Variants in IL1RAPL1 observed in about 807,000 individuals in gnomAD.
IL1RAPL1 encodes interleukin 1 receptor accessory protein like 1.
IL1RAPL1 carries 3 observed loss-of-function variants against 48.4 expected under a neutral mutation model. The observed-to-expected ratio is 0.06, with a 90% confidence interval of 0.03 to 0.16. The LOEUF (loss-of-function observed/expected upper bound fraction) is 0.16. IL1RAPL1 is among the 10% of genes least tolerant of loss of function. IL1RAPL1 has a pLI of 1.00. For missense variants in IL1RAPL1, 349 were observed against 530.6 expected, an observed-to-expected ratio of 0.66 and a Z score of 3.36; for synonymous variants, 185 against 187.7, an observed-to-expected ratio of 0.99 and a Z score of 0.12.
intron 1 of IL1RAPL1, among the ~76,000 whole-genome samples, chrX:28,769,019 C>G (rs1371231830): frequency 9.3e-6 from 1 of 107,143 alleles, no homozygotes; most frequent in Non-Finnish European, 1.9e-5. Flanking sequence ...TAAAACAAAT[C>G]AGCAGTCTCA....
intron 5 of IL1RAPL1, among the ~76,000 whole-genome samples, chrX:29,414,038 T>G (rs1263967544): frequency 1.8e-5 from 2 of 111,348 alleles, no homozygotes; most frequent in Non-Finnish European, 3.8e-5. Context: ...TTTTTTGCAA[T>G]AATATTATTT....
At chrX:29,269,818 A>G (rs1932012121) in intron 2 of IL1RAPL1, among the ~76,000 whole-genome samples, 1 of 110,821 alleles carries the variant, frequency 9.0e-6, no homozygotes, top group Non-Finnish European at 1.9e-5. Context: ...GCGATTTGGT[A>G]TGTTTTGACA....
intron 6 of IL1RAPL1, among the ~76,000 whole-genome samples, chrX:29,760,934 A>G (rs780845129): frequency 1.7e-4 from 19 of 111,974 alleles, no homozygotes; most frequent in Non-Finnish European, 2.8e-4. Context: ...TGCTTTTAAG[A>G]ATGAGTATAA....
At position 29,952,010 on chromosome X, in the gene IL1RAPL1, A is replaced by G. The variant is rs144189017; in HGVS notation, c.1202-2512A>G. 5.3e-4 allele frequency among the ~76,000 whole-genome samples: 59 copies of G among 112,101 alleles called. 1 individual carries two copies. The East Asian group carries it at 0.015, about 28-fold the overall frequency. Reference sequence around the variant, plus strand: ...AACATCTTGCAGAAAGACGGTATTTATGGGTTGGAAGAGAGGTTTCCATGA... The same window carrying G: ...AACATCTTGCAGAAAGACGGTATTTGTGGGTTGGAAGAGAGGTTTCCATGA... On this transcript the variant is annotated intron_variant, in intron 9 of 10. Transcript: ENST00000378993.
chrX:29,544,425 G>A (rs2147784660), intron 5 of IL1RAPL1, among the ~76,000 whole-genome samples: 1 of 111,762 alleles, frequency 8.9e-6, no homozygotes, highest in African/African-American at 3.2e-5. Flanking sequence ...TACCTTTCAA[G>A]TGTTGTGTGT....
chrX:29,164,390 C>T (rs1356132725), intron 2 of IL1RAPL1, among the ~76,000 whole-genome samples: 1 of 111,633 alleles, frequency 9.0e-6, no homozygotes, highest in African/African-American at 3.3e-5. Context: ...CAGATATGAA[C>T]ACAAAAAAAA....
intron 2 of IL1RAPL1, among the ~76,000 whole-genome samples, chrX:29,028,288 G>T (rs866233352): frequency 1.4e-3 from 122 of 89,772 alleles, no homozygotes; most frequent in African/African-American, 2.5e-3. Flanking sequence ...TGTTTTTTTT[G>T]TTTGTTTTTT....
intron 1 of IL1RAPL1, among the ~76,000 whole-genome samples, chrX:28,767,209 C>G (rs1216587153): frequency 9.0e-6 from 1 of 111,305 alleles, no homozygotes; most frequent in Non-Finnish European, 1.9e-5. Flanking sequence ...TTGTTATTAC[C>G]TATCTTTTGG....
At chrX:29,803,129 G>A (rs990089709) in intron 6 of IL1RAPL1, among the ~76,000 whole-genome samples, 3 of 90,112 alleles carry the variant, frequency 3.3e-5, no homozygotes, top group African/African-American at 8.1e-5. Flanking sequence ...GTGTATACAT[G>A]TATGCATATA....
chrX:29,268,214 C>A (rs1156745432), intron 2 of IL1RAPL1, among the ~76,000 whole-genome samples: 1 of 111,729 alleles, frequency 9.0e-6, no homozygotes, highest in Non-Finnish European at 1.9e-5. Flanking sequence ...TAACTGGCAG[C>A]ATATTAAAAC....
intron 2 of IL1RAPL1, among the ~76,000 whole-genome samples, chrX:28,805,176 A>T (rs1397003991): frequency 9.0e-6 from 1 of 111,027 alleles, no homozygotes; most frequent in Non-Finnish European, 1.9e-5. Context: ...CAGCAGGAAT[A>T]AAAGAAAGAG....
intron 1 of IL1RAPL1, among the ~76,000 whole-genome samples, chrX:28,691,674 T>C (rs1260986416): frequency 8.9e-6 from 1 of 111,743 alleles, no homozygotes; most frequent in Non-Finnish European, 1.9e-5. Flanking sequence ...CCCTCCCTTC[T>C]TCTATCCTGT....
At chrX:29,804,187 A>G (rs1930196742) in intron 6 of IL1RAPL1, among the ~76,000 whole-genome samples, 1 of 111,532 alleles carries the variant, frequency 9.0e-6, no homozygotes, top group South Asian at 3.8e-4. Flanking sequence ...GAAACCAAAA[A>G]TGGAATGTGC....
At chrX:29,072,208 T>C (rs1927579536) in intron 2 of IL1RAPL1, among the ~76,000 whole-genome samples, 1 of 109,754 alleles carries the variant, frequency 9.1e-6, no homozygotes. Context: ...GTGACTTGGA[T>C]TCCTTTACTC....
At chrX:28,762,252 GACTA>G (rs1317673613) in intron 1 of IL1RAPL1, among the ~76,000 whole-genome samples, 6 of 111,252 alleles carry the variant, frequency 5.4e-5, no homozygotes, top group Admixed American at 2.9e-4. Flanking sequence ...ATAAAACAAT[GACTA>G]ACTGGAAATA....
At chrX:29,569,323 CTCTTAATA>C (rs1260945801) in intron 5 of IL1RAPL1, among the ~76,000 whole-genome samples, 10 of 110,688 alleles carry the variant, frequency 9.0e-5, no homozygotes, top group Non-Finnish European at 1.7e-4. Context: ...TTCAGTGCAC[CTCTTAATA>C]TGATTATGGC....
At chrX:29,909,957 C>T (rs1306117433) in intron 6 of IL1RAPL1, among the ~76,000 whole-genome samples, 4 of 111,149 alleles carry the variant, frequency 3.6e-5, no homozygotes, top group African/African-American at 1.3e-4. Flanking sequence ...CACATGCATG[C>T]GTACGTTCAT....
intron 2 of IL1RAPL1, among the ~76,000 whole-genome samples, chrX:28,933,131 T>A (rs2147344416): frequency 8.9e-6 from 1 of 112,348 alleles, no homozygotes; most frequent in Admixed American, 9.5e-5. Flanking sequence ...AACCATGTGT[T>A]AATTATATCT....
chrX:28,836,336 T>TTATATATA (rs34343530), intron 2 of IL1RAPL1, among the ~76,000 whole-genome samples: 43 of 85,313 alleles, frequency 5.0e-4, no homozygotes, highest in African/African-American at 1.5e-3. Context: ...CTTCCCAATT[T>TTATATATA]TATATATATA....
Sources: gnomAD v4.1 joint callset for allele counts (sites outside exome capture counted in the v4.1 genomes callset) on GRCh38, gnomAD v4.1.1 for gene constraint, MANE v1.5 for transcripts, NCBI Gene and HGNC (gene_info 2026-07-23, HGNC 2026-07-21) for gene names.